Variants in CFAP47 observed in about 807,000 individuals in gnomAD.
The protein encoded by CFAP47 is cilia and flagella associated protein 47.
A neutral mutation model predicts 148.1 loss-of-function variants in CFAP47; 29 were observed. The observed-to-expected ratio is 0.20, with a 90% CI of 0.15 to 0.27. CFAP47 has a LOEUF of 0.27. Ranked by LOEUF, CFAP47 falls within the 10% of genes least tolerant of loss-of-function variation. The pLI is 1.00. For synonymous variants in CFAP47, 664 were observed against 577.3 expected, an observed-to-expected ratio of 1.15 and a Z score of -2.15; for missense variants, 1,872 against 1,697.5, an observed-to-expected ratio of 1.10 and a Z score of -1.81.
intron 30 of CFAP47, among the ~76,000 whole-genome samples, chrX:36,091,332 C>T (rs968789772): frequency 9.0e-6 from 1 of 111,038 alleles, no homozygotes; most frequent in African/African-American, 3.3e-5. Flanking sequence ...ATATAAGTGA[C>T]CACTTACACA....
At chrX:36,271,673 T>C (rs1346061356) in intron 49 of CFAP47, among the ~76,000 whole-genome samples, 6 of 112,130 alleles carry the variant, frequency 5.4e-5, no homozygotes, top group Non-Finnish European at 9.4e-5. Flanking sequence ...ACATAACATA[T>C]GTAAACAGGA....
At chrX:36,261,386 C>T (rs1235424957) in intron 49 of CFAP47, among the ~76,000 whole-genome samples, 4 of 82,063 alleles carry the variant, frequency 4.9e-5, no homozygotes, top group Admixed American at 1.7e-4. Flanking sequence ...GGGGACTTGG[C>T]AGGGTCATAG....
At chrX:36,001,004 G>A (rs72628189) in intron 20 of CFAP47, among the ~76,000 whole-genome samples, 16,522 of 110,737 alleles carry the variant, frequency 0.15, 1,248 homozygotes, top group East Asian at 0.3. Flanking sequence ...GAGTTGAAAA[G>A]CTGTGATAGG....
At chrX:35,935,714 G>C (rs758163118) in intron 2 of CFAP47, among the ~76,000 whole-genome samples, 1 of 110,170 alleles carries the variant, frequency 9.1e-6, no homozygotes, top group Non-Finnish European at 1.9e-5. Context: ...AGTTCTTTTA[G>C]TTTTTCTTTG....
chrX:35,957,647 A>C (rs1936266441), intron 8 of CFAP47, among the ~76,000 whole-genome samples: 1 of 111,897 alleles, frequency 8.9e-6, no homozygotes, highest in Non-Finnish European at 1.9e-5. Flanking sequence ...CTACCGACTC[A>C]ATTATTTTTC....
In CFAP47 at chrX:36,350,188, T is replaced by A. The variant is rs1941731879; in HGVS notation, c.8698+56T>A. ...GAATTCTTAGAGACCTTAGATATTCTCTATTCCCATCTTTTTTGTTTGAAG... is the reference window on the plus strand; with the variant it reads ...GAATTCTTAGAGACCTTAGATATTCACTATTCCCATCTTTTTTGTTTGAAG... On this transcript the variant is annotated intron_variant, in intron 59 of 63. Coordinates refer to ENST00000378653, the MANE Select transcript of CFAP47 (RefSeq NM_001304548.2). 4.0e-6 allele frequency: 3 copies of A among 759,322 alleles called. No homozygotes were observed. The South Asian group carries it at 7.6e-5, about 19-fold the overall frequency. The allele number at this position is 759,322 out of a possible 1,213,427, so 62.6% of individuals were successfully genotyped here. A position where few individuals can be genotyped will look rare whatever the true frequency, so the allele number is the denominator to read the frequency against.
intron 2 of CFAP47, among the ~76,000 whole-genome samples, chrX:35,929,971 C>G (rs756373104): frequency 9.1e-6 from 1 of 109,939 alleles, no homozygotes; most frequent in Non-Finnish European, 1.9e-5. Flanking sequence ...TGCACTTCAG[C>G]CTGGGTGACA....
intron 26 of CFAP47, among the ~76,000 whole-genome samples, chrX:36,051,924 C>A (rs1937521759): frequency 9.0e-6 from 1 of 111,004 alleles, no homozygotes; most frequent in Non-Finnish European, 1.9e-5. Flanking sequence ...GTGAATAAGT[C>A]TCACAAGACC....
At chrX:36,044,233 A>G (rs1479997959) in intron 25 of CFAP47, among the ~76,000 whole-genome samples, 1 of 113,100 alleles carries the variant, frequency 8.8e-6, no homozygotes, top group Non-Finnish European at 1.9e-5. Context: ...GATCTATGAC[A>G]TGCCCTGCAG....
At chrX:36,259,192 C>T (rs939890575) in intron 49 of CFAP47, among the ~76,000 whole-genome samples, 2 of 111,029 alleles carry the variant, frequency 1.8e-5, no homozygotes, top group Non-Finnish European at 3.8e-5. Flanking sequence ...ACATTGAAAA[C>T]GATCATTTAG....
chrX:36,049,965 G>A lies in CFAP47; in HGVS notation c.4217+2902G>A, dbSNP rs959579205. On this transcript the variant is annotated intron_variant, in intron 26 of 63. Coordinates refer to ENST00000378653, the MANE Select transcript of CFAP47 (RefSeq NM_001304548.2). ...CATGAGACCTGATGGTTTTATAAAGGACAGTTCCCCTGCACGCTCTCTCTT... is the reference window on the plus strand; with the variant it reads ...CATGAGACCTGATGGTTTTATAAAGAACAGTTCCCCTGCACGCTCTCTCTT... 3.1e-4 allele frequency among the ~76,000 whole-genome samples: 35 copies of A among 111,649 alleles called. 1 individual carries two copies. Among genetic ancestry groups the A allele is most frequent in the Non-Finnish European group, 6.2e-4 (33 of 53,099 alleles).
chrX:36,345,507 A>G (rs73460175), intron 57 of CFAP47, among the ~76,000 whole-genome samples: 3,423 of 111,304 alleles, frequency 0.031, 141 homozygotes, highest in African/African-American at 0.1. Flanking sequence ...GGTAATGCTC[A>G]CCCACCTGCT....
In CFAP47 at chrX:36,208,645, G is replaced by GA. The variant is rs781979274; in HGVS notation, c.6817+3541dup. Among the ~76,000 whole-genome samples, 175 of 111,741 alleles carry GA rather than the reference G, an allele frequency of 1.6e-3. 1 individual carries two copies. The highest frequency in any genetic ancestry group is 5.5e-3 in the African/African-American group (171 of 30,815). ...CCTCAAAATATAATTGAAAAATTGT[G>GA]AAAAAATGAAACTAAACTAATCCTT... On this transcript the variant is annotated intron_variant, in intron 45 of 63. Coordinates refer to ENST00000378653, the MANE Select transcript of CFAP47 (RefSeq NM_001304548.2).
intron 62 of CFAP47, among the ~76,000 whole-genome samples, chrX:36,371,806 GTA>G (rs1491221579): frequency 1.1e-4 from 7 of 64,731 alleles, no homozygotes; most frequent in East Asian, 6.2e-4. Context: ...ATACACACAT[GTA>G]TATATGTGTG....
chrX:35,924,005 GTGTAAA>G (rs1193864108), intron 1 of CFAP47, among the ~76,000 whole-genome samples: 9 of 99,625 alleles, frequency 9.0e-5, no homozygotes, highest in African/African-American at 3.7e-4. Context: ...ATGTGTATAT[GTGTAAA>G]TATATATGCA....
intron 48 of CFAP47, among the ~76,000 whole-genome samples, chrX:36,248,265 C>A (rs782168735): frequency 9.7e-6 from 1 of 103,527 alleles, no homozygotes; most frequent in African/African-American, 3.5e-5. Flanking sequence ...TCTACAGTTA[C>A]CTATAAAAGA....
rs782298940 is a variant in CFAP47, at chrX:36,368,465, G to T, written c.9185+1338G>T. ...GTCAGTTAAATTTAGTGGTAGTTTT[G>T]GGGATCAGAATGTTCCACTTTGCTA... is the stretch of plus-strand genomic sequence containing the variant. On this transcript the variant is annotated intron_variant, in intron 62 of 63. Transcript: ENST00000378653. 2.0e-3 allele frequency among the ~76,000 whole-genome samples: 216 copies of T among 110,741 alleles called. 1 individual carries two copies. Among genetic ancestry groups the T allele is most frequent in the Non-Finnish European group, 3.5e-3 (186 of 52,746 alleles).
At chrX:36,024,902 T>A (rs1937198917) in intron 22 of CFAP47, among the ~76,000 whole-genome samples, 1 of 111,438 alleles carries the variant, frequency 9.0e-6, no homozygotes, top group Admixed American at 9.5e-5. Flanking sequence ...ACTTGTTAAA[T>A]GGTGACCTTT....
intron 2 of CFAP47, among the ~76,000 whole-genome samples, chrX:35,929,823 A>C (rs748489745): frequency 7.0e-4 from 77 of 109,656 alleles, no homozygotes; most frequent in African/African-American, 2.4e-3. Context: ...ACATGGAGAA[A>C]CCTCGTCTCT....
Sources: allele counts gnomAD v4.1 joint callset (sites outside exome capture counted in the v4.1 genomes callset), GRCh38; gene constraint gnomAD v4.1.1; transcripts MANE v1.5; gene names NCBI Gene and HGNC (gene_info 2026-07-23, HGNC 2026-07-21).